Variants in UBAP1 observed in about 807,000 individuals in gnomAD.
UBAP1 encodes ubiquitin-associated protein 1.
Under a neutral mutation model 39.0 loss-of-function variants are expected in UBAP1, and 5 were observed. The observed-to-expected ratio is 0.13, with a 90% CI of 0.07 to 0.27. The LOEUF is 0.27. UBAP1 is among the 10% of genes least tolerant of loss of function. The probability of loss-of-function intolerance (pLI) is 1.00; values close to 1 mark genes in which losing one functional copy is unlikely to be tolerated. For missense variants in UBAP1, 490 were observed against 608.1 expected (o/e 0.81, Z 2.04); for synonymous variants, 211 against 225.1 (o/e 0.94, Z 0.56).
Position 34,222,808 on chromosome 9 carries a change from A to G in UBAP1, c.34+1860A>G, listed in dbSNP as rs927347833. 2.0e-5 allele frequency among the ~76,000 whole-genome samples: 3 copies of G among 152,160 alleles called. No individual in the cohort carries two copies. In the South Asian group the frequency reaches 6.2e-4, roughly 32 times the overall value. On this transcript the variant is annotated intron_variant, in intron 2 of 6. Transcript: ENST00000297661. ...AGAGCCTGTCTCAAACAAACAAACAAAAAATGATTCTTGCCACTGAGCTTA... is the reference window on the plus strand; with the variant it reads ...AGAGCCTGTCTCAAACAAACAAACAGAAAATGATTCTTGCCACTGAGCTTA...
rs761523016 is a variant in UBAP1 at position 34,242,081 on chromosome 9, A to G, written c.1056A>G (p.Glu352=). ...SLSVLSVCTE[E]SSPPNTGPTV... is the part of the protein sequence containing the mutation. The stretch of plus-strand genomic sequence containing the variant: ...CTGTTTTGTCTGTGTGCACAGAGGA[A>G]TCATCACCTCCAAATACTGGTCCCA... The change falls in exon 4 of 7, where the codon GAA becomes GAG. Residue 352 remains glutamate (E), a synonymous_variant. Transcript: ENST00000297661. 4 of 1,606,142 alleles carry G rather than the reference A, an allele frequency of 2.5e-6. No homozygotes were observed. The highest frequency in any genetic ancestry group is 3.4e-6 in the Non-Finnish European group (4 of 1,173,450).
At chr9:34,187,032 C>G (rs1323315803) in intron 1 of UBAP1, among the ~76,000 whole-genome samples, 2 of 152,080 alleles carry the variant, frequency 1.3e-5, no homozygotes, top group Admixed American at 1.3e-4. Context: ...CTCAGCCTCC[C>G]GAGTAGCTGG....
chr9:34,181,118 T>TTTTTTTC (rs527975080), intron 1 of UBAP1, among the ~76,000 whole-genome samples: 3,382 of 109,648 alleles, frequency 0.031, 272 homozygotes, highest in African/African-American at 0.11. Flanking sequence ...CCTGTTTTCT[T>TTTTTTTC]TTTTTTTTTT....
intron 2 of UBAP1, among the ~76,000 whole-genome samples, chr9:34,224,951 A>G (rs767024876): frequency 6.6e-6 from 1 of 152,232 alleles, no homozygotes; most frequent in East Asian, 1.9e-4. Context: ...ACACAGGGCT[A>G]TAAATGGCCA....
intron 1 of UBAP1, among the ~76,000 whole-genome samples, chr9:34,182,665 T>C (rs551079074): frequency 1.6e-3 from 98 of 60,794 alleles, no homozygotes; most frequent in African/African-American, 3.7e-3. Flanking sequence ...CTTTCTTTCT[T>C]TCTTTCTTTC....
rs758983302 is a variant in UBAP1, at chr9:34,250,773, T to C, written c.1368+14T>C. 2.5e-6 allele frequency: 4 copies of C among 1,607,322 alleles called. No homozygotes were observed. The highest frequency in any genetic ancestry group is 3.4e-6 in the Non-Finnish European group (4 of 1,174,198). On this transcript the variant is annotated intron_variant, in intron 6 of 6. Coordinates refer to ENST00000297661, the MANE Select transcript of UBAP1 (RefSeq NM_016525.5). Reference sequence around the variant, plus strand: ...TCAGAAGAAAAGGTGGGAATCTTCATGTTTCTTGGGAACCCTCTGGAAAAG... The same window carrying C: ...TCAGAAGAAAAGGTGGGAATCTTCACGTTTCTTGGGAACCCTCTGGAAAAG...
intron 3 of UBAP1, among the ~76,000 whole-genome samples, chr9:34,235,514 A>AT (rs1377422806): frequency 6.6e-6 from 1 of 151,628 alleles, no homozygotes; most frequent in African/African-American, 2.4e-5. Context: ...AATTTTTTGT[A>AT]TTTTTTAGTA....
chr9:34,196,090 T>A (rs1221110823), intron 1 of UBAP1, among the ~76,000 whole-genome samples: 6 of 151,416 alleles, frequency 4.0e-5, no homozygotes, highest in African/African-American at 1.5e-4. Context: ...TCCATATGAT[T>A]TTTAAAATTA....
chr9:34,231,334 C>T (rs1388434659), intron 2 of UBAP1, among the ~76,000 whole-genome samples: 2 of 151,842 alleles, frequency 1.3e-5, no homozygotes, highest in Non-Finnish European at 2.9e-5. Flanking sequence ...CCTGCCTCAG[C>T]CTCCCGAGTA....
At chr9:34,236,672 T>G (rs1196476295) in intron 3 of UBAP1, among the ~76,000 whole-genome samples, 2 of 152,098 alleles carry the variant, frequency 1.3e-5, no homozygotes, top group Non-Finnish European at 2.9e-5. Context: ...TGTCTCACAT[T>G]GCAGTTCAGC....
intron 1 of UBAP1, among the ~76,000 whole-genome samples, chr9:34,187,200 G>A (rs1830453557): frequency 6.6e-6 from 1 of 152,186 alleles, no homozygotes; most frequent in South Asian, 2.1e-4. Context: ...GAGCCACTGC[G>A]CCCGGCTGGT....
chr9:34,235,464 G>C (rs909148828), intron 3 of UBAP1, among the ~76,000 whole-genome samples: 2 of 151,592 alleles, frequency 1.3e-5, no homozygotes, highest in African/African-American at 4.8e-5. Flanking sequence ...TCAGCCTCCC[G>C]AGTAGCTGGG....
chr9:34,220,846 C>A (rs1389958851), intron 1 of UBAP1, 62 bp from the exon 2 acceptor site: 3 of 1,488,894 alleles, frequency 2.0e-6, no homozygotes, highest in South Asian at 1.2e-5. Flanking sequence ...TTTGTACTCT[C>A]AATTTTCTTC....
At chr9:34,195,927 GTTTTTTTTTTTTTTTTTTTTTTTT>G (rs57040252) in intron 1 of UBAP1, among the ~76,000 whole-genome samples, 4 of 36,144 alleles carry the variant, frequency 1.1e-4, no homozygotes, top group African/African-American at 2.5e-4. Context: ...AAATTTTTTG[GTTTTTTTTTTTTTTTTTTTTTTTT>G]TTTTTTTTTT....
chr9:34,224,128 G>A, intron 2 of UBAP1: 1 of 737,198 alleles, frequency 1.4e-6, no homozygotes, highest in African/African-American at 1.8e-5. Flanking sequence ...GCTCCTCCAG[G>A]AGACTGCTGA....
intron 1 of UBAP1, among the ~76,000 whole-genome samples, chr9:34,184,721 C>G (rs1425178666): frequency 1.3e-5 from 2 of 149,932 alleles, no homozygotes; most frequent in Admixed American, 1.3e-4. Flanking sequence ...CTCCCAGGTT[C>G]AAGAGATTCT....
intron 1 of UBAP1, among the ~76,000 whole-genome samples, chr9:34,207,237 G>C (rs932455879): frequency 6.6e-6 from 1 of 150,418 alleles, no homozygotes; most frequent in Non-Finnish European, 1.5e-5. Context: ...GTAGAGATGG[G>C]GTTTCACCAT....
intron 2 of UBAP1, chr9:34,224,073 C>A (rs1832908571): frequency 6.4e-6 from 4 of 624,382 alleles, no homozygotes; most frequent in Non-Finnish European, 8.3e-6. Context: ...CCACACTGTC[C>A]CGGCCTTGAA....
At position 34,218,250 on chromosome 9, in the gene UBAP1, C is replaced by CAAAAA. The variant is rs758443973; in HGVS notation, c.-7-2618_-7-2614dup. On this transcript the variant is annotated intron_variant, in intron 1 of 6. Coordinates refer to ENST00000297661, the MANE Select transcript of UBAP1 (RefSeq NM_016525.5). Reference sequence around the variant, plus strand: ...CTGGTGACAGAGCGAGACTCCATCTCAAAAAAAAAAAAAAAAAAAAAAAAA... The same window carrying CAAAAA: ...CTGGTGACAGAGCGAGACTCCATCTCAAAAAAAAAAAAAAAAAAAAAAAAAAAAAA... Among the ~76,000 whole-genome samples, 11 of 49,520 alleles carry CAAAAA rather than the reference C, an allele frequency of 2.2e-4. 2 individuals are homozygous for CAAAAA. The highest frequency in any genetic ancestry group is 3.8e-4 in the African/African-American group (4 of 10,620). The allele number at this position is 49,520 out of a possible 152,430, so 32.5% of individuals were successfully genotyped here. A position where few individuals can be genotyped will look rare whatever the true frequency, so the allele number is the denominator to read the frequency against.
Sources: allele counts gnomAD v4.1 joint callset (sites outside exome capture counted in the v4.1 genomes callset), GRCh38; gene constraint gnomAD v4.1.1; transcripts MANE v1.5; gene names NCBI Gene and HGNC (gene_info 2026-07-23, HGNC 2026-07-21).